Variants in THSD4 observed in about 807,000 individuals in gnomAD.
THSD4 encodes thrombospondin type 1 domain containing 4, also known as thrombospondin type-1 domain-containing protein 4.
THSD4 carries 69 observed loss-of-function variants against 119.0 expected under a neutral mutation model. That is an observed-to-expected ratio of 0.58 (90% CI 0.48 to 0.71). THSD4 has a LOEUF of 0.71. Ranked by LOEUF, THSD4 falls within the 30% of genes least tolerant of loss-of-function variation. THSD4 has a pLI of 0.00. For synonymous variants in THSD4, 524 were observed against 540.4 expected (o/e 0.97, Z 0.42); for missense variants, 1,393 against 1,391.1 (o/e 1.00, Z -0.02).
At chr15:71,098,847 T>C (rs1401387960) in intron 1 of THSD4, among the ~76,000 whole-genome samples, 1 of 152,218 alleles carries the variant, frequency 6.6e-6, no homozygotes, top group Non-Finnish European at 1.5e-5. Flanking sequence ...TTATATTAAC[T>C]ACATTAAAAA....
chr15:71,514,989 C>G (rs1463317331), intron 7 of THSD4, among the ~76,000 whole-genome samples: 1 of 152,186 alleles, frequency 6.6e-6, no homozygotes, highest in South Asian at 2.1e-4. Flanking sequence ...AAGAGAACAT[C>G]TTGAACATAA....
intron 8 of THSD4, among the ~76,000 whole-genome samples, chr15:71,700,705 AG>A (rs1385769915): frequency 1.3e-5 from 2 of 152,134 alleles, no homozygotes; most frequent in African/African-American, 2.4e-5. Flanking sequence ...GGGAAGGAAC[AG>A]GGATACCAAA....
chr15:71,472,969 G>A (rs970443521), intron 7 of THSD4, among the ~76,000 whole-genome samples: 9 of 151,832 alleles, frequency 5.9e-5, no homozygotes, highest in Non-Finnish European at 1.2e-4. Flanking sequence ...TTAATGGTGA[G>A]ATCTGTTTTG....
intron 3 of THSD4, among the ~76,000 whole-genome samples, chr15:71,167,424 GCA>G (rs2043304075): frequency 6.6e-6 from 1 of 152,192 alleles, no homozygotes; most frequent in Non-Finnish European, 1.5e-5. Flanking sequence ...GGCCCATGGG[GCA>G]CAGTTTGCCA....
chr15:71,392,171 AC>A (rs534754284), intron 6 of THSD4, among the ~76,000 whole-genome samples: 1 of 152,112 alleles, frequency 6.6e-6, no homozygotes, highest in Non-Finnish European at 1.5e-5. Flanking sequence ...ACTACTGCCC[AC>A]CCCCAACTTT....
chr15:71,480,097 T>TCACCCAGGCTA (rs1434270976), intron 7 of THSD4, among the ~76,000 whole-genome samples: 5 of 152,168 alleles, frequency 3.3e-5, no homozygotes, highest in Non-Finnish European at 5.9e-5. Context: ...AGTGCAGTGG[T>TCACCCAGGCTA]GGGATCTCAG....
At chr15:71,664,076 G>A (rs4777430) in intron 8 of THSD4, among the ~76,000 whole-genome samples, 18,421 of 151,632 alleles carry the variant, frequency 0.12, 1,245 homozygotes, top group South Asian at 0.18. Context: ...TCTACCTCCC[G>A]GGTTCACGCC....
intron 7 of THSD4, among the ~76,000 whole-genome samples, chr15:71,479,242 C>G (rs2047693002): frequency 7.7e-6 from 1 of 130,352 alleles, no homozygotes; most frequent in Non-Finnish European, 1.5e-5. Flanking sequence ...GAGTAAGGTA[C>G]TAGATGGACA....
At chr15:71,748,630 G>A (rs1300909357) in intron 14 of THSD4, 36 bp downstream of exon 14, 1 of 1,607,296 alleles carries the variant, frequency 6.2e-7, no homozygotes, top group African/African-American at 1.3e-5. Flanking sequence ...CGGGGACCGA[G>A]GTCTGCCAGG....
intron 4 of THSD4, among the ~76,000 whole-genome samples, chr15:71,230,173 C>A (rs1466410636): frequency 1.3e-5 from 2 of 152,086 alleles, no homozygotes; most frequent in African/African-American, 2.4e-5. Context: ...TAGCACCTGC[C>A]CTGGTCAGGC....
At chr15:71,234,104 G>T (rs922493123) in intron 4 of THSD4, among the ~76,000 whole-genome samples, 1 of 152,152 alleles carries the variant, frequency 6.6e-6, no homozygotes, top group Non-Finnish European at 1.5e-5. Context: ...ACCACAAAGG[G>T]GTGATCCACC....
At chr15:71,099,018 G>A (rs1288742374) in intron 1 of THSD4, among the ~76,000 whole-genome samples, 1 of 152,130 alleles carries the variant, frequency 6.6e-6, no homozygotes, top group Non-Finnish European at 1.5e-5. Flanking sequence ...GGATTACAAT[G>A]AGAACTACCT....
chr15:71,547,239 A>G, intron 7 of THSD4: 1 of 1,406,942 alleles, frequency 7.1e-7, no homozygotes, highest in Non-Finnish European at 9.2e-7. Flanking sequence ...TTTCTTCAGA[A>G]CAGAGGCTGA....
chr15:71,618,386 G>T (rs1292399583), intron 7 of THSD4, among the ~76,000 whole-genome samples: 1 of 152,206 alleles, frequency 6.6e-6, no homozygotes, highest in Non-Finnish European at 1.5e-5. Flanking sequence ...ATACGCATAT[G>T]TGTCGACGTG....
At chr15:71,350,064 C>T (rs3784384) in intron 6 of THSD4, among the ~76,000 whole-genome samples, 1 of 150,556 alleles carries the variant, frequency 6.6e-6, no homozygotes, top group Non-Finnish European at 1.5e-5. Context: ...TTTATTCTAG[C>T]ACATTTATAG....
Position 71,188,259 on chromosome 15 carries a change from G to C in THSD4, c.100-26776G>C, listed in dbSNP as rs773007526. On this transcript the variant is annotated intron_variant, in intron 3 of 17. Transcript: ENST00000261862. Reference sequence around the variant, plus strand: ...AATTCTAGGACTTGGCCTTGGCTTCGAAGGATGATGATGACTCAAAAAAGG... The same window carrying C: ...AATTCTAGGACTTGGCCTTGGCTTCCAAGGATGATGATGACTCAAAAAAGG... Among the ~76,000 whole-genome samples, 4 of 152,238 alleles carry C rather than the reference G, an allele frequency of 2.6e-5. No homozygotes were observed. The East Asian group carries it at 7.7e-4, about 29-fold the overall frequency.
intron 7 of THSD4, among the ~76,000 whole-genome samples, chr15:71,657,826 G>C (rs2051221225): frequency 6.6e-6 from 1 of 152,158 alleles, no homozygotes. Context: ...AATCTGGTGG[G>C]GGTGTGTCCA....
intron 7 of THSD4, among the ~76,000 whole-genome samples, chr15:71,584,460 G>A (rs2049624972): frequency 7.5e-6 from 1 of 132,514 alleles, no homozygotes; most frequent in South Asian, 2.5e-4. Flanking sequence ...GTAGAGACAG[G>A]GTTTTGCCAC....
At chr15:71,611,407 A>G (rs1417919325) in intron 7 of THSD4, among the ~76,000 whole-genome samples, 1 of 152,206 alleles carries the variant, frequency 6.6e-6, no homozygotes, top group Admixed American at 6.5e-5. Flanking sequence ...GCTGCTGCCT[A>G]CTTCCTGCTG....
Sources: allele counts gnomAD v4.1 joint callset (sites outside exome capture counted in the v4.1 genomes callset), GRCh38; gene constraint gnomAD v4.1.1; transcripts MANE v1.5; gene names NCBI Gene and HGNC (gene_info 2026-07-23, HGNC 2026-07-21).